Variants in UGT1A8 observed in about 807,000 individuals in gnomAD.
UGT1A8 encodes UDP-glucuronosyltransferase 1A8.
In UGT1A8, 39 loss-of-function variants were observed where a neutral mutation model predicts 45.3. The observed-to-expected ratio is 0.86, with a 90% CI of 0.67 to 1.12. The LOEUF is 1.12. Among genes scored for constraint, UGT1A8 ranks in the 50% most tolerant of loss-of-function variants. UGT1A8 has a pLI of 0.00. For synonymous variants in UGT1A8, 275 were observed against 249.2 expected (o/e 1.10, Z -0.97); for missense variants, 719 against 664.9 (o/e 1.08, Z -0.90).
At chr2:233,731,107 A>T (rs1222432137) in intron 1 of UGT1A8, among the ~76,000 whole-genome samples, 4 of 151,962 alleles carry the variant, frequency 2.6e-5, no homozygotes, top group Admixed American at 2.6e-4. Flanking sequence ...CTTTTTTATA[A>T]ATGTAGGTAT....
At chr2:233,622,518 A>G (rs1300566822) in intron 1 of UGT1A8, among the ~76,000 whole-genome samples, 1 of 152,206 alleles carries the variant, frequency 6.6e-6, no homozygotes, top group Non-Finnish European at 1.5e-5. Context: ...TGTTGGCTGC[A>G]TAAATGTCTT....
chr2:233,648,361 C>CT, intron 1 of UGT1A8: 1 of 407,764 alleles, frequency 2.5e-6, no homozygotes. Flanking sequence ...TTGACATTAC[C>CT]TTGAAGAAGG....
intron 1 of UGT1A8, among the ~76,000 whole-genome samples, chr2:233,634,631 A>AT (rs931993950): frequency 1.3e-4 from 20 of 151,520 alleles, no homozygotes; most frequent in South Asian, 2.1e-4. Flanking sequence ...GCAACCCCTG[A>AT]TTTTTTTTGC....
chr2:233,649,007 A>T, intron 1 of UGT1A8: 1 of 1,342,390 alleles, frequency 7.4e-7, no homozygotes, highest in Non-Finnish European at 1.0e-6. Flanking sequence ...AACTGCAATC[A>T]GGGAAAGCCA....
intron 1 of UGT1A8, chr2:233,747,693 C>T: frequency 6.2e-7 from 1 of 1,611,232 alleles, no homozygotes; most frequent in South Asian, 1.1e-5. Flanking sequence ...TGGGGCAGTG[C>T]TGGCTAAGTA....
intron 1 of UGT1A8, among the ~76,000 whole-genome samples, chr2:233,662,265 A>G (rs1445699964): frequency 2.6e-5 from 4 of 152,190 alleles, no homozygotes; most frequent in Non-Finnish European, 5.9e-5. Context: ...ACTCGTTGCT[A>G]TATATATTTT....
At chr2:233,627,612 CCTTCCTTCCTTT>C (rs1233456421) in intron 1 of UGT1A8, among the ~76,000 whole-genome samples, 2 of 145,560 alleles carry the variant, frequency 1.4e-5, no homozygotes, top group African/African-American at 2.5e-5. Context: ...AATCTCCCTT[CCTTCCTTCCTTT>C]CTTCCTTCCT....
At chr2:233,729,155 C>A in intron 1 of UGT1A8, 1 of 1,613,596 alleles carries the variant, frequency 6.2e-7, no homozygotes, top group Non-Finnish European at 8.5e-7. Flanking sequence ...GTTCCCCTGC[C>A]GTGGCTGGCC....
chr2:233,712,815 C>G (rs2076256798), intron 1 of UGT1A8, among the ~76,000 whole-genome samples: 1 of 152,128 alleles, frequency 6.6e-6, no homozygotes, highest in Admixed American at 6.5e-5. Context: ...AGGGTGGGGC[C>G]CATAATGCAA....
At chr2:233,691,848 T>C (rs2075060347) in intron 1 of UGT1A8, 1 of 159,620 alleles carries the variant, frequency 6.3e-6, no homozygotes, top group Admixed American at 6.5e-5. Flanking sequence ...TGTTGTTATA[T>C]TGTGATGTAT....
At chr2:233,651,793 C>A (rs2073747896) in intron 1 of UGT1A8, among the ~76,000 whole-genome samples, 1 of 152,050 alleles carries the variant, frequency 6.6e-6, no homozygotes, top group Non-Finnish European at 1.5e-5. Context: ...CTGTGTGTGT[C>A]CACGCGTGTT....
intron 1 of UGT1A8, among the ~76,000 whole-genome samples, chr2:233,704,312 T>C (rs1316251379): frequency 6.7e-6 from 1 of 150,322 alleles, no homozygotes; most frequent in Non-Finnish European, 1.5e-5. Flanking sequence ...GTAAAATCCT[T>C]TAATGTTTTT....
At chr2:233,745,498 TCC>T (rs1294393562) in intron 1 of UGT1A8, among the ~76,000 whole-genome samples, 2 of 151,620 alleles carry the variant, frequency 1.3e-5, no homozygotes, top group Non-Finnish European at 2.9e-5. Flanking sequence ...TTCTAAGATT[TCC>T]TATAGGGTAT....
intron 1 of UGT1A8, among the ~76,000 whole-genome samples, chr2:233,671,503 C>T (rs2074190571): frequency 6.6e-6 from 1 of 152,130 alleles, no homozygotes; most frequent in African/African-American, 2.4e-5. Context: ...GCATGAGTTG[C>T]CATCTTCTCT....
At chr2:233,689,295 C>A (rs1284988088) in intron 1 of UGT1A8, among the ~76,000 whole-genome samples, 1 of 151,188 alleles carries the variant, frequency 6.6e-6, no homozygotes, top group Non-Finnish European at 1.5e-5. Flanking sequence ...GGTTCACTCA[C>A]CCAGCACAGT....
rs757417206 is a variant in UGT1A8, at chr2:233,772,349, T to C, written c.1383T>C (p.Phe461=). Residue 461 remains phenylalanine (F), a synonymous_variant, in exon 5 of 5, where the codon TTT becomes TTC. Coordinates refer to ENST00000373450, the MANE Select transcript of UGT1A8 (RefSeq NM_019076.5). ...ACCTGGCCGTGTTCTGGGTGGAGTT[T>C]GTGATGAGGCACAAGGGCGCGCCAC... ...PLDLAVFWVE[F]VMRHKGAPHL... is the part of the protein sequence containing the mutation. 2 of 1,614,272 alleles carry C rather than the reference T, an allele frequency of 1.2e-6. No individual in the cohort carries two copies. The highest frequency in any genetic ancestry group is 1.7e-5 in the Admixed American group (1 of 60,034).
At chr2:233,747,328 A>C in intron 1 of UGT1A8, 1 of 1,603,802 alleles carries the variant, frequency 6.2e-7, no homozygotes, top group African/African-American at 1.3e-5. Flanking sequence ...CATTGATGGC[A>C]GCCACTGGCT....
chr2:233,633,175 G>A (rs1431171437), intron 1 of UGT1A8, among the ~76,000 whole-genome samples: 1 of 152,136 alleles, frequency 6.6e-6, no homozygotes, highest in Non-Finnish European at 1.5e-5. Flanking sequence ...TGATCATGGT[G>A]GATAAGCTTT....
Position 233,736,954 on chromosome 2 carries a change from C to T in UGT1A8, c.856-30080C>T, listed in dbSNP as rs1375491683. On this transcript the variant is annotated intron_variant, in intron 1 of 4. Coordinates refer to ENST00000373450, the MANE Select transcript of UGT1A8 (RefSeq NM_019076.5). The stretch of plus-strand genomic sequence containing the variant: ...CCACCTATATGAGGTGTCTGTTGGC[C>T]CCTACTGGGAGGTGTTTCCCAGTCA... Among the ~76,000 whole-genome samples, 8 of 152,168 alleles carry T rather than the reference C, an allele frequency of 5.3e-5. No homozygotes were observed. The East Asian group carries it at 1.3e-3, about 26-fold the overall frequency.
Sources: allele counts gnomAD v4.1 joint callset (sites outside exome capture counted in the v4.1 genomes callset), GRCh38; gene constraint gnomAD v4.1.1; transcripts MANE v1.5; gene names NCBI Gene and HGNC (gene_info 2026-07-23, HGNC 2026-07-21).